Variants in ACYP2 observed in about 807,000 individuals in gnomAD.
ACYP2 encodes the protein acylphosphatase-2.
ACYP2 carries 12 observed loss-of-function variants against 11.2 expected under a neutral mutation model. The ratio of observed to expected loss-of-function variants is 1.08; its 90% CI spans 0.69 to 1.74. ACYP2 has a LOEUF of 1.74. Ranked by LOEUF, ACYP2 falls within the 40% of genes most tolerant of loss-of-function variation. ACYP2 has a pLI of 0.00. For synonymous variants in ACYP2, 43 were observed against 32.2 expected, an observed-to-expected ratio of 1.33 and a Z score of -1.13; for missense variants, 134 against 101.9, an observed-to-expected ratio of 1.31 and a Z score of -1.35.
chr2:53,988,562 G>T (rs898895119), intron 2 of ACYP2, among the ~76,000 whole-genome samples: 5 of 151,798 alleles, frequency 3.3e-5, no homozygotes, highest in African/African-American at 1.2e-4. Flanking sequence ...CACCATGCCT[G>T]GCTATATATA....
intron 4 of ACYP2, among the ~76,000 whole-genome samples, chr2:54,071,942 C>T (rs777098171): frequency 2.0e-4 from 30 of 152,082 alleles, no homozygotes; most frequent in Admixed American, 8.5e-4. Flanking sequence ...ACCCAGGAGG[C>T]GGAGGTTGCA....
At chr2:54,171,549 T>A (rs1166362233) in intron 6 of ACYP2, among the ~76,000 whole-genome samples, 1 of 152,244 alleles carries the variant, frequency 6.6e-6, no homozygotes, top group Non-Finnish European at 1.5e-5. Context: ...AAATACATTA[T>A]TAACCTGTTT....
At chr2:54,224,950 A>T (rs1465380524) in intron 6 of ACYP2, among the ~76,000 whole-genome samples, 1 of 152,240 alleles carries the variant, frequency 6.6e-6, no homozygotes, top group Non-Finnish European at 1.5e-5. Flanking sequence ...AAGGAAAGCA[A>T]GGTTGCTCTT....
chr2:54,224,974 C>A (rs1223478509), intron 6 of ACYP2, among the ~76,000 whole-genome samples: 1 of 152,176 alleles, frequency 6.6e-6, no homozygotes, highest in Non-Finnish European at 1.5e-5. Flanking sequence ...TTCATTCCAG[C>A]AGTATGGCTG....
intron 2 of ACYP2, among the ~76,000 whole-genome samples, chr2:53,993,890 A>G (rs1478357444): frequency 6.6e-6 from 1 of 151,976 alleles, no homozygotes; most frequent in Non-Finnish European, 1.5e-5. Flanking sequence ...GAGGATGTAT[A>G]ATATAGGAAA....
intron 4 of ACYP2, chr2:54,065,389 C>A (rs943400865): frequency 2.5e-6 from 1 of 397,750 alleles, no homozygotes; most frequent in African/African-American, 2.1e-5. Flanking sequence ...TTTTTCTATT[C>A]TCCTATGCTT....
chr2:54,255,767 G>A, intron 6 of ACYP2: 1 of 1,613,822 alleles, frequency 6.2e-7, no homozygotes, highest in Non-Finnish European at 8.5e-7. Flanking sequence ...CAGGTTTCTA[G>A]AGCCTTCTCC....
At chr2:54,288,103 A>C (rs1052310391) in intron 6 of ACYP2, among the ~76,000 whole-genome samples, 1 of 151,860 alleles carries the variant, frequency 6.6e-6, no homozygotes. Context: ...CCTTTCCTCT[A>C]TCCAGGGAAA....
At chr2:54,029,885 C>T (rs992728000) in intron 2 of ACYP2, 5 of 254,900 alleles carry the variant, frequency 2.0e-5, no homozygotes, top group East Asian at 9.8e-5. Context: ...AGAACCAAGC[C>T]GGGTCCGGCT....
rs558602568 is a variant in ACYP2 at position 54,146,129 on chromosome 2, A to C, written c.404+7381A>C. ...TTGTGCTTGACTGATTGACTTACAA[A>C]ATTCTATGCCAAAAATAATCTCACA... On this transcript the variant is annotated intron_variant, in intron 6 of 6. Transcript: ENST00000607452. 9.5e-4 allele frequency among the ~76,000 whole-genome samples: 145 copies of C among 152,326 alleles called. 1 individual carries two copies. Among genetic ancestry groups the C allele is most frequent in the Non-Finnish European group, 1.8e-3 (120 of 68,036 alleles).
At chr2:54,015,688 C>CAA (rs1558473166) in intron 2 of ACYP2, among the ~76,000 whole-genome samples, 31 of 122,488 alleles carry the variant, frequency 2.5e-4, no homozygotes, top group African/African-American at 9.4e-4. Context: ...CACACACACA[C>CAA]GGCAGAATCT....
rs530425185 is a variant in ACYP2, at chr2:54,095,654, C to A, written c.277+38294C>A. Among the ~76,000 whole-genome samples the A allele has an allele frequency of 3.1e-3, 429 of 137,700 alleles. 5 individuals carry two copies. Among genetic ancestry groups the A allele is most frequent in the Admixed American group, 9.7e-3 (137 of 14,110 alleles). The allele number at this position is 137,700 out of a possible 152,430, so 90.3% of individuals were successfully genotyped here. A position where few individuals can be genotyped will look rare whatever the true frequency, so the allele number is the denominator to read the frequency against. The stretch of plus-strand genomic sequence containing the variant: ...CTCCCAGATGGGGCGGCTGGCCGCG[C>A]GGGGGGCTGACCCCCCCACCTCCCT... On this transcript the variant is annotated intron_variant, in intron 4 of 6. Coordinates refer to ENST00000607452, the MANE Select transcript of ACYP2 (RefSeq NM_001320586.2).
At chr2:54,201,071 G>C (rs1417710200) in intron 6 of ACYP2, among the ~76,000 whole-genome samples, 1 of 150,816 alleles carries the variant, frequency 6.6e-6, no homozygotes, top group Non-Finnish European at 1.5e-5. Context: ...TGTCTATCCA[G>C]ATTCTTTGCC....
At chr2:54,271,075 T>C (rs12465259) in intron 6 of ACYP2, among the ~76,000 whole-genome samples, 9,956 of 152,292 alleles carry the variant, frequency 0.065, 525 homozygotes, top group East Asian at 0.21. Context: ...TCACAGGTGG[T>C]GCTCCTTGCT....
intron 6 of ACYP2, chr2:54,256,017 C>A: frequency 6.2e-7 from 1 of 1,614,190 alleles, no homozygotes; most frequent in Non-Finnish European, 8.5e-7. Flanking sequence ...ACACGATTGG[C>A]TCCAAGCGGC....
intron 6 of ACYP2, among the ~76,000 whole-genome samples, chr2:54,156,718 T>C (rs146452975): frequency 1.8e-4 from 28 of 152,352 alleles, no homozygotes; most frequent in Middle Eastern, 3.4e-3. Flanking sequence ...CAGGCTGTAG[T>C]GCAGGGGTAT....
chr2:54,206,806 C>T (rs1054188863), intron 6 of ACYP2, among the ~76,000 whole-genome samples: 3 of 152,292 alleles, frequency 2.0e-5, no homozygotes, highest in Admixed American at 6.5e-5. Flanking sequence ...AAGCTATAAA[C>T]CATAGAGGGA....
chr2:54,281,956 CTGTT>C (rs1365217691), intron 6 of ACYP2, among the ~76,000 whole-genome samples: 2 of 152,112 alleles, frequency 1.3e-5, no homozygotes, highest in Non-Finnish European at 2.9e-5. Context: ...AGCATCATTA[CTGTT>C]TATTTTCATT....
intron 4 of ACYP2, among the ~76,000 whole-genome samples, chr2:54,100,590 C>T (rs1300132439): frequency 3.3e-5 from 5 of 151,872 alleles, no homozygotes; most frequent in South Asian, 2.1e-4. Flanking sequence ...ATTATAGGGA[C>T]GAGTCACCAC....
Sources: gnomAD v4.1 joint callset for allele counts (sites outside exome capture counted in the v4.1 genomes callset) on GRCh38, gnomAD v4.1.1 for gene constraint, MANE v1.5 for transcripts, NCBI Gene and HGNC (gene_info 2026-07-23, HGNC 2026-07-21) for gene names.